The following CNTN3 variants were observed in gnomAD, a reference collection of about 807,000 sequenced individuals.
The protein encoded by CNTN3 is contactin 3.
A neutral mutation model predicts 119.1 loss-of-function variants in CNTN3; 60 were observed. That is an observed-to-expected ratio of 0.50 (90% CI 0.41 to 0.62). The LOEUF is 0.62. CNTN3 is among the 20% of genes least tolerant of loss of function. The pLI is 0.00. For missense variants in CNTN3, 1,101 were observed against 1,242.4 expected, an observed-to-expected ratio of 0.89 and a Z score of 1.71; for synonymous variants, 450 against 438.7, an observed-to-expected ratio of 1.03 and a Z score of -0.32.
intron 1 of CNTN3, among the ~76,000 whole-genome samples, chr3:74,581,494 A>C (rs991303245): frequency 1.3e-5 from 2 of 152,214 alleles, no homozygotes; most frequent in African/African-American, 4.8e-5. Flanking sequence ...AAATGAAGAG[A>C]GATGCTATGT....
chr3:74,398,854 T>C (rs1705118551), intron 5 of CNTN3, among the ~76,000 whole-genome samples: 1 of 152,214 alleles, frequency 6.6e-6, no homozygotes, highest in Non-Finnish European at 1.5e-5. Context: ...TGATCACTTA[T>C]CACGTGGTTA....
chr3:74,444,430 G>T (rs982391555), intron 4 of CNTN3, among the ~76,000 whole-genome samples: 11 of 152,088 alleles, frequency 7.2e-5, no homozygotes, highest in African/African-American at 1.9e-4. Context: ...TTATATTTCA[G>T]AGGGCCTGAG....
At chr3:74,368,032 C>A (rs1370523786) in intron 8 of CNTN3, among the ~76,000 whole-genome samples, 1 of 152,012 alleles carries the variant, frequency 6.6e-6, no homozygotes, top group African/African-American at 2.4e-5. Context: ...ACCCAAAGAC[C>A]TTGAAACCTG....
At chr3:74,570,257 C>A (rs1483028175) in intron 1 of CNTN3, among the ~76,000 whole-genome samples, 2 of 151,988 alleles carry the variant, frequency 1.3e-5, no homozygotes, top group Admixed American at 6.6e-5. Context: ...TAGAATCCAG[C>A]CTACCATACT....
intron 5 of CNTN3, among the ~76,000 whole-genome samples, chr3:74,412,919 A>G (rs1701461805): frequency 6.6e-6 from 1 of 152,144 alleles, no homozygotes. Flanking sequence ...TATCATATGC[A>G]GATCTCTGTC....
At chr3:74,606,427 T>A (rs1427081353) in intron 1 of CNTN3, among the ~76,000 whole-genome samples, 1 of 151,940 alleles carries the variant, frequency 6.6e-6, no homozygotes, top group Non-Finnish European at 1.5e-5. Context: ...GCATTTTGTG[T>A]GTGTGTCCGT....
At chr3:74,364,408 G>GA in intron 10 of CNTN3, 59 bp downstream of exon 10, 1 of 1,523,228 alleles carries the variant, frequency 6.6e-7, no homozygotes, top group Non-Finnish European at 9.0e-7. Flanking sequence ...ACTGCTTCTG[G>GA]AAACAATGAA....
At chr3:74,561,422 C>G (rs899668933) in intron 1 of CNTN3, among the ~76,000 whole-genome samples, 1 of 152,178 alleles carries the variant, frequency 6.6e-6, no homozygotes, top group Non-Finnish European at 1.5e-5. Context: ...CCTCTGACTT[C>G]TTCACCACAT....
At chr3:74,285,189 T>A (rs1332679205) in intron 20 of CNTN3, 116 bp downstream of exon 20, 2 of 1,143,306 alleles carry the variant, frequency 1.7e-6, no homozygotes, top group Admixed American at 5.0e-5. Flanking sequence ...GGAGTTAGGT[T>A]TATATAATCT....
intron 4 of CNTN3, among the ~76,000 whole-genome samples, chr3:74,440,530 G>A (rs1309657918): frequency 6.6e-6 from 1 of 151,286 alleles, no homozygotes; most frequent in Non-Finnish European, 1.5e-5. Flanking sequence ...GGAATGTAGA[G>A]AAATGCATGT....
intron 1 of CNTN3, among the ~76,000 whole-genome samples, 168 bp from the exon 2 acceptor site, chr3:74,521,360 T>C (rs553350416): frequency 6.6e-6 from 1 of 151,394 alleles, no homozygotes; most frequent in Non-Finnish European, 1.5e-5. Flanking sequence ...GAAATGTAGA[T>C]ACTTAAAAAA....
rs1559552064 is a variant in CNTN3, at chr3:74,334,800, A to C, written c.1603T>G (p.Trp535Gly). Reference sequence around the variant, plus strand: ...TCTGCAAGGGCCCCATTGAAATACCAGGTAAAGATGATGTCTAACAGCGGG... The same window carrying C: ...TCTGCAAGGGCCCCATTGAAATACCCGGTAAAGATGATGTCTAACAGCGGG... ...HDPLLDIIFT[W>G]YFNGALADFK... is the part of the protein sequence containing the mutation. Residue 535 changes from tryptophan (W) to glycine (G), a missense_variant, in exon 13 of 23, where the codon TGG (tryptophan) becomes GGG (glycine). Coordinates refer to ENST00000263665, the MANE Select transcript of CNTN3 (RefSeq NM_020872.3). The C allele has an allele frequency of 6.2e-7, 1 of 1,613,676 alleles. No homozygotes were observed.
chr3:74,594,459 A>C (rs1162314989), intron 1 of CNTN3, among the ~76,000 whole-genome samples: 5 of 150,420 alleles, frequency 3.3e-5, no homozygotes, highest in Admixed American at 6.6e-5. Flanking sequence ...CCACCCCACA[A>C]CACTCCCCAG....
rs371034618 is a variant in CNTN3 at position 74,389,729 on chromosome 3, C to T, written c.455-18330G>A. ...TGGGGGAAGCAGGGTCTGAACCCAG[C>T]GTAATTCCTAAGTCCCTGCTCCTCA... On this transcript the variant is annotated intron_variant, in intron 5 of 22. Coordinates refer to ENST00000263665, the MANE Select transcript of CNTN3 (RefSeq NM_020872.3). 1.8e-4 allele frequency among the ~76,000 whole-genome samples: 28 copies of T among 152,232 alleles called. 1 individual carries two copies. In the South Asian group the frequency reaches 5.0e-3, roughly 27 times the overall value.
chr3:74,371,487 T>C (rs1704338196), intron 5 of CNTN3, 88 bp from the exon 6 acceptor site: 14 of 950,332 alleles, frequency 1.5e-5, no homozygotes, highest in Non-Finnish European at 2.1e-5. Flanking sequence ...AAACATCAAC[T>C]TTACTTCCAA....
intron 4 of CNTN3, among the ~76,000 whole-genome samples, chr3:74,425,188 T>C (rs1701676575): frequency 6.6e-6 from 1 of 152,078 alleles, no homozygotes; most frequent in Non-Finnish European, 1.5e-5. Flanking sequence ...ACCCAGGTAG[T>C]GAGTACAGAA....
At chr3:74,537,616 T>C (rs918472659) in intron 1 of CNTN3, among the ~76,000 whole-genome samples, 7 of 152,116 alleles carry the variant, frequency 4.6e-5, no homozygotes, top group African/African-American at 1.7e-4. Context: ...CTCCCCCTTT[T>C]GCCACCTCTG....
chr3:74,457,083 A>G (rs2106963507), intron 4 of CNTN3, among the ~76,000 whole-genome samples: 1 of 152,234 alleles, frequency 6.6e-6, no homozygotes, highest in South Asian at 2.1e-4. Context: ...GTTCTATGAA[A>G]AAACAAAATT....
intron 13 of CNTN3, among the ~76,000 whole-genome samples, chr3:74,309,938 A>C (rs1193036259): frequency 1.3e-5 from 2 of 152,236 alleles, no homozygotes; most frequent in Middle Eastern, 3.2e-3. Context: ...TAATTTTAAA[A>C]GCAACAGTCA....
Sources: allele counts gnomAD v4.1 joint callset (sites outside exome capture counted in the v4.1 genomes callset), GRCh38; gene constraint gnomAD v4.1.1; transcripts MANE v1.5; gene names NCBI Gene and HGNC (gene_info 2026-07-23, HGNC 2026-07-21).